The following HSDL2 variants were observed in gnomAD, a reference collection of about 807,000 sequenced individuals.
The protein encoded by HSDL2 is hydroxysteroid dehydrogenase-like protein 2.
Under a neutral mutation model 46.3 loss-of-function variants are expected in HSDL2, and 27 were observed. The observed-to-expected ratio is 0.58, with a 90% CI of 0.43 to 0.80. The LOEUF is 0.80. HSDL2 is among the 30% of genes least tolerant of loss of function. HSDL2 has a pLI of 0.00. For synonymous variants in HSDL2, 153 were observed against 163.6 expected (o/e 0.94, Z 0.50); for missense variants, 451 against 502.7 (o/e 0.90, Z 0.98).
intron 8 of HSDL2, among the ~76,000 whole-genome samples, chr9:112,448,377 G>A (rs2132683375): frequency 6.6e-6 from 1 of 152,108 alleles, no homozygotes; most frequent in Admixed American, 6.6e-5. Context: ...CCATAAGTAA[G>A]GTGTTAACAT....
At chr9:112,420,806 A>G (rs113078376) in intron 6 of HSDL2, among the ~76,000 whole-genome samples, 1 of 152,214 alleles carries the variant, frequency 6.6e-6, no homozygotes, top group Non-Finnish European at 1.5e-5. Context: ...GTAACATCAT[A>G]TACATTTCTG....
At chr9:112,427,528 G>A (rs1240411498) in intron 6 of HSDL2, among the ~76,000 whole-genome samples, 1 of 152,160 alleles carries the variant, frequency 6.6e-6, no homozygotes, top group Non-Finnish European at 1.5e-5. Flanking sequence ...TCCCTCAAGT[G>A]TCTCATAAAT....
chr9:112,396,231 G>A (rs1200819426), intron 1 of HSDL2, among the ~76,000 whole-genome samples: 1 of 152,172 alleles, frequency 6.6e-6, no homozygotes, highest in African/African-American at 2.4e-5. Context: ...ATCAGGGCTA[G>A]TGCAAGGCAA....
At chr9:112,419,366 T>C (rs1832068667) in intron 6 of HSDL2, among the ~76,000 whole-genome samples, 1 of 152,216 alleles carries the variant, frequency 6.6e-6, no homozygotes, top group Non-Finnish European at 1.5e-5. Flanking sequence ...AGACTGTTAA[T>C]ACTAACTTCA....
At chr9:112,423,896 TA>T (rs1832186763) in intron 6 of HSDL2, among the ~76,000 whole-genome samples, 2 of 151,154 alleles carry the variant, frequency 1.3e-5, no homozygotes, top group African/African-American at 2.4e-5. Context: ...ATATTTTTAG[TA>T]GAGACAGGGT....
chr9:112,429,393 T>C (rs769931788), intron 6 of HSDL2, among the ~76,000 whole-genome samples: 1 of 152,204 alleles, frequency 6.6e-6, no homozygotes, highest in Non-Finnish European at 1.5e-5. Context: ...GTGTGGGAGA[T>C]TTAAGAGTTT....
chr9:112,417,614 T>C (rs190672321), intron 5 of HSDL2, among the ~76,000 whole-genome samples: 2 of 152,322 alleles, frequency 1.3e-5, no homozygotes, highest in East Asian at 1.9e-4. Flanking sequence ...ACTTAGTTTT[T>C]ATTTCAGCAC....
intron 4 of HSDL2, among the ~76,000 whole-genome samples, chr9:112,412,557 A>C (rs994326876): frequency 6.6e-6 from 1 of 152,264 alleles, no homozygotes; most frequent in African/African-American, 2.4e-5. Context: ...AGAGATGATC[A>C]ATACAAGTAA....
At chr9:112,432,102 G>C (rs527809855) in intron 6 of HSDL2, among the ~76,000 whole-genome samples, 1 of 152,178 alleles carries the variant, frequency 6.6e-6, no homozygotes, top group Admixed American at 6.5e-5. Flanking sequence ...GTCTGGTCTT[G>C]AACTCCTGAC....
At chr9:112,414,684 GT>G (rs543725312) in intron 4 of HSDL2, among the ~76,000 whole-genome samples, 107 of 152,240 alleles carry the variant, frequency 7.0e-4, no homozygotes, top group African/African-American at 2.5e-3. Flanking sequence ...GATTTAGTTT[GT>G]TTCTTCTTGA....
chr9:112,446,501 T>G (rs1401181343), intron 8 of HSDL2, among the ~76,000 whole-genome samples: 1 of 152,158 alleles, frequency 6.6e-6, no homozygotes, highest in Non-Finnish European at 1.5e-5. Context: ...CGTGGTGGTA[T>G]GTACCTGTGG....
chr9:112,453,250 C>G (rs1276134105), intron 8 of HSDL2, among the ~76,000 whole-genome samples: 1 of 152,212 alleles, frequency 6.6e-6, no homozygotes, highest in Non-Finnish European at 1.5e-5. Flanking sequence ...TTAGCTCCAC[C>G]AGTTCCACAG....
intron 1 of HSDL2, among the ~76,000 whole-genome samples, chr9:112,400,576 C>T (rs575182945): frequency 3.9e-5 from 6 of 152,328 alleles, no homozygotes; most frequent in African/African-American, 1.4e-4. Context: ...CACTGCACTC[C>T]ATCCTGGTGA....
rs1022301789 is a variant in HSDL2, at chr9:112,380,119, C to T, written c.-45C>T. 7.3e-6 allele frequency: 11 copies of T among 1,515,684 alleles called. No homozygotes were observed. In the African/African-American group the frequency reaches 9.7e-5, roughly 13 times the overall value. 93.9% of individuals were successfully genotyped at this position (1,515,684 alleles called of 1,614,324 possible). On this transcript the variant is annotated 5_prime_UTR_variant, in exon 1 of 11. Coordinates refer to ENST00000398805, the MANE Select transcript of HSDL2 (RefSeq NM_032303.5). ...GACGGTCCAGCTTTAGCTCTCTGCTCGCCGCCGCCGCTGTCGCCGCCACCT... is the reference window on the plus strand; with the variant it reads ...GACGGTCCAGCTTTAGCTCTCTGCTTGCCGCCGCCGCTGTCGCCGCCACCT...
chr9:112,466,206 C>T (rs1395063997), intron 10 of HSDL2, among the ~76,000 whole-genome samples: 1 of 152,054 alleles, frequency 6.6e-6, no homozygotes, highest in Non-Finnish European at 1.5e-5. Context: ...GAGAAATGTC[C>T]CTTCAAGTCC....
chr9:112,408,324 C>T (rs899839318), intron 3 of HSDL2, among the ~76,000 whole-genome samples: 1 of 152,150 alleles, frequency 6.6e-6, no homozygotes, highest in Non-Finnish European at 1.5e-5. Context: ...TACAAACCAC[C>T]GAAGACTAAG....
At chr9:112,397,647 G>A (rs1215113159) in intron 1 of HSDL2, among the ~76,000 whole-genome samples, 1 of 152,112 alleles carries the variant, frequency 6.6e-6, no homozygotes, top group Non-Finnish European at 1.5e-5. Context: ...CTGAGCCTGA[G>A]TAATTGGAAT....
intron 8 of HSDL2, among the ~76,000 whole-genome samples, chr9:112,445,511 GTTT>G (rs113603259): frequency 6.8e-6 from 1 of 146,550 alleles, no homozygotes; most frequent in East Asian, 2.0e-4. Flanking sequence ...GTTTCATATA[GTTT>G]TTTTTTTTAA....
At chr9:112,453,593 A>G (rs1832940999) in intron 8 of HSDL2, among the ~76,000 whole-genome samples, 1 of 152,020 alleles carries the variant, frequency 6.6e-6, no homozygotes, top group African/African-American at 2.4e-5. Flanking sequence ...GGGTTTCTCC[A>G]TGTTGCCCAG....
Sources: allele counts gnomAD v4.1 joint callset (sites outside exome capture counted in the v4.1 genomes callset), GRCh38; gene constraint gnomAD v4.1.1; transcripts MANE v1.5; gene names NCBI Gene and HGNC (gene_info 2026-07-23, HGNC 2026-07-21).